Variants in DIP2B observed in about 807,000 individuals in gnomAD.
DIP2B encodes the protein DIP2 acetate--CoA ligase B (putative).
Under a neutral mutation model 198.0 loss-of-function variants are expected in DIP2B, and 76 were observed. The observed-to-expected ratio is 0.38, with a 90% CI of 0.32 to 0.46. DIP2B has a LOEUF of 0.46. Among genes scored for constraint, DIP2B ranks in the 20% least tolerant of loss-of-function variants. The probability of loss-of-function intolerance (pLI) is 0.99; values close to 1 mark genes in which losing one functional copy is unlikely to be tolerated. For synonymous variants in DIP2B, 701 were observed against 739.1 expected (o/e 0.95, Z 0.84); for missense variants, 1,559 against 1,978.4 (o/e 0.79, Z 4.02).
intron 32 of DIP2B, among the ~76,000 whole-genome samples, chr12:50,733,182 A>G (rs2139599743): frequency 6.6e-6 from 1 of 151,608 alleles, no homozygotes; most frequent in Non-Finnish European, 1.5e-5. Context: ...CTGGGATTAC[A>G]GACATGAGCC....
chr12:50,564,803 G>A (rs1958549184), intron 1 of DIP2B, among the ~76,000 whole-genome samples: 1 of 152,094 alleles, frequency 6.6e-6, no homozygotes, highest in African/African-American at 2.4e-5. Context: ...TTTTGATATA[G>A]GAAGTCCATA....
chr12:50,616,431 A>G (rs567544170), intron 1 of DIP2B, among the ~76,000 whole-genome samples: 2 of 152,360 alleles, frequency 1.3e-5, no homozygotes, highest in East Asian at 1.9e-4. Flanking sequence ...AAAAATTCTC[A>G]TCTTCTTTCA....
intron 1 of DIP2B, among the ~76,000 whole-genome samples, chr12:50,606,443 A>C (rs1194535315): frequency 6.6e-6 from 1 of 152,176 alleles, no homozygotes; most frequent in Non-Finnish European, 1.5e-5. Context: ...TTATTGCTGG[A>C]TAATATTGCG....
At chr12:50,613,650 C>G (rs1265088379) in intron 1 of DIP2B, among the ~76,000 whole-genome samples, 1 of 152,180 alleles carries the variant, frequency 6.6e-6, no homozygotes, top group Non-Finnish European at 1.5e-5. Context: ...CCCTGAAGCT[C>G]AGCTAAACTG....
chr12:50,628,142 G>A (rs1478294356), intron 2 of DIP2B, among the ~76,000 whole-genome samples: 1 of 152,106 alleles, frequency 6.6e-6, no homozygotes, highest in African/African-American at 2.4e-5. Flanking sequence ...AGGCCGAGGC[G>A]GGTGGATCAC....
At chr12:50,545,048 A>C (rs1031121913) in intron 1 of DIP2B, among the ~76,000 whole-genome samples, 1 of 152,116 alleles carries the variant, frequency 6.6e-6, no homozygotes, top group African/African-American at 2.4e-5. Flanking sequence ...TGACTGTACC[A>C]CATTCATTTA....
At chr12:50,593,935 T>C (rs1233556387) in intron 1 of DIP2B, among the ~76,000 whole-genome samples, 1 of 107,900 alleles carries the variant, frequency 9.3e-6, no homozygotes, top group Non-Finnish European at 1.9e-5. Context: ...CTCTTCTCTT[T>C]TCTTATCTTT....
At chr12:50,636,709 A>G (rs149967034) in intron 2 of DIP2B, among the ~76,000 whole-genome samples, 4 of 152,232 alleles carry the variant, frequency 2.6e-5, no homozygotes, top group Non-Finnish European at 2.9e-5. Flanking sequence ...GGCTACTCTG[A>G]TGCATCATGG....
Position 50,714,418 on chromosome 12 carries a change from G to C in DIP2B, c.2673G>C (p.Val891=), listed in dbSNP as rs745691052. 6.2e-7 allele frequency: 1 copy of C among 1,614,178 alleles called. No homozygotes were observed. The highest frequency in any genetic ancestry group is 8.5e-7 in the Non-Finnish European group (1 of 1,180,040). The change falls in exon 23 of 38, where the codon GTG becomes GTC. Residue 891 remains valine, a synonymous_variant. Transcript: ENST00000301180. ...AGGCGATCGATAGCATTCATCAAGTGGGGGTTTATTGTCTTGCTCTGGTGC... is the reference window on the plus strand; with the variant it reads ...AGGCGATCGATAGCATTCATCAAGTCGGGGTTTATTGTCTTGCTCTGGTGC... ...VLQAIDSIHQ[V]GVYCLALVPA...
intron 21 of DIP2B, 21 bp from the exon 22 acceptor site, chr12:50,708,427 T>C: frequency 6.4e-7 from 1 of 1,565,074 alleles, no homozygotes; most frequent in Non-Finnish European, 8.7e-7. Context: ...AGTCCTGATG[T>C]GTTTGATCTG....
At chr12:50,518,337 T>G (rs1277060506) in intron 1 of DIP2B, among the ~76,000 whole-genome samples, 1 of 151,870 alleles carries the variant, frequency 6.6e-6, no homozygotes, top group Non-Finnish European at 1.5e-5. Flanking sequence ...CGATTCTGCT[T>G]CTTCAGCCTC....
intron 28 of DIP2B, among the ~76,000 whole-genome samples, chr12:50,725,647 A>G (rs1423713203): frequency 6.6e-6 from 1 of 152,240 alleles, no homozygotes; most frequent in African/African-American, 2.4e-5. Context: ...TAATGATAAC[A>G]TCTAATCTTC....
chr12:50,632,898 T>G (rs1437723934), intron 2 of DIP2B, among the ~76,000 whole-genome samples: 1 of 152,074 alleles, frequency 6.6e-6, no homozygotes, highest in Non-Finnish European at 1.5e-5. Flanking sequence ...GGGATTATTG[T>G]GTGCACATGC....
intron 1 of DIP2B, among the ~76,000 whole-genome samples, chr12:50,564,843 T>C (rs933471934): frequency 1.3e-5 from 2 of 152,224 alleles, no homozygotes; most frequent in Non-Finnish European, 2.9e-5. Context: ...TCTGGAAATA[T>C]GAAGATATTC....
chr12:50,534,108 AC>A (rs1958242690), intron 1 of DIP2B, among the ~76,000 whole-genome samples: 1 of 152,166 alleles, frequency 6.6e-6, no homozygotes, highest in Non-Finnish European at 1.5e-5. Context: ...TCATTAGTCA[AC>A]TAGTTAGAAC....
At chr12:50,718,111 G>A (rs1939766731) in intron 23 of DIP2B, among the ~76,000 whole-genome samples, 1 of 148,684 alleles carries the variant, frequency 6.7e-6, no homozygotes, top group South Asian at 2.1e-4. Context: ...TGTTGGCCAG[G>A]ATGGTCTCCA....
intron 2 of DIP2B, among the ~76,000 whole-genome samples, chr12:50,631,408 G>A (rs1230689683): frequency 6.6e-6 from 1 of 152,020 alleles, no homozygotes; most frequent in Non-Finnish European, 1.5e-5. Context: ...TGTATTTTTA[G>A]TAGGGACAGG....
At chr12:50,544,680 T>C (rs983363318) in intron 1 of DIP2B, among the ~76,000 whole-genome samples, 1 of 149,738 alleles carries the variant, frequency 6.7e-6, no homozygotes, top group African/African-American at 2.5e-5. Context: ...TGCAATGGCG[T>C]GATCTCAGTT....
chr12:50,720,629 A>G (rs1238751147), intron 25 of DIP2B, among the ~76,000 whole-genome samples: 3 of 152,094 alleles, frequency 2.0e-5, no homozygotes. Flanking sequence ...TTCATTTAAA[A>G]ATGTCAGCCA....
Sources: gnomAD v4.1 joint callset for allele counts (sites outside exome capture counted in the v4.1 genomes callset) on GRCh38, gnomAD v4.1.1 for gene constraint, MANE v1.5 for transcripts, NCBI Gene and HGNC (gene_info 2026-07-23, HGNC 2026-07-21) for gene names.